Variants in SOX6 observed in about 807,000 individuals in gnomAD.
The protein encoded by SOX6 is transcription factor SOX-6.
In SOX6, 11 loss-of-function variants were observed where a neutral mutation model predicts 97.8. The observed-to-expected ratio is 0.11, with a 90% CI of 0.07 to 0.19. The LOEUF is 0.19. SOX6 is among the 10% of genes least tolerant of loss of function. SOX6 has a pLI of 1.00. For missense variants in SOX6, 810 were observed against 1,039.5 expected, an observed-to-expected ratio of 0.78 and a Z score of 3.04; for synonymous variants, 360 against 371.4, an observed-to-expected ratio of 0.97 and a Z score of 0.35.
chr11:16,602,515 A>G (rs1165096005), intron 4 of SOX6, among the ~76,000 whole-genome samples: 1 of 152,208 alleles, frequency 6.6e-6, no homozygotes, highest in East Asian at 1.9e-4. Context: ...AAGGAAAAAA[A>G]CTACATGTCA....
intron 15 of SOX6, among the ~76,000 whole-genome samples, chr11:15,973,522 A>G (rs1418479970): frequency 6.6e-6 from 1 of 152,238 alleles, no homozygotes; most frequent in Non-Finnish European, 1.5e-5. Flanking sequence ...TAATGACACT[A>G]TTAAGCAGGT....
intron 7 of SOX6, among the ~76,000 whole-genome samples, chr11:16,097,951 T>A (rs1240861349): frequency 1.3e-5 from 2 of 151,854 alleles, no homozygotes; most frequent in Non-Finnish European, 2.9e-5. Context: ...GTTCACTCCA[T>A]TGCGAATCTT....
intron 3 of SOX6, among the ~76,000 whole-genome samples, chr11:16,702,645 T>C (rs759361834): frequency 5.9e-5 from 9 of 152,080 alleles, no homozygotes; most frequent in Non-Finnish European, 1.3e-4. Flanking sequence ...TGAAATTCAG[T>C]CACTTTTTCC....
chr11:16,334,837 A>G (rs529699885), intron 2 of SOX6, among the ~76,000 whole-genome samples: 1 of 152,324 alleles, frequency 6.6e-6, no homozygotes, highest in South Asian at 2.1e-4. Flanking sequence ...ATCATGAAAA[A>G]ATAATTTATA....
chr11:16,249,244 C>T (rs1853437323), intron 3 of SOX6, among the ~76,000 whole-genome samples: 1 of 152,134 alleles, frequency 6.6e-6, no homozygotes, highest in African/African-American at 2.4e-5. Flanking sequence ...TATGCTCTGC[C>T]TCTTCTTGAA....
intron 3 of SOX6, among the ~76,000 whole-genome samples, chr11:16,257,607 G>C (rs1332862689): frequency 6.6e-6 from 1 of 151,784 alleles, no homozygotes; most frequent in Admixed American, 6.6e-5. Context: ...AAAATTTCTA[G>C]AGATAACATA....
intron 3 of SOX6, among the ~76,000 whole-genome samples, chr11:16,247,556 T>C (rs896576146): frequency 6.6e-6 from 1 of 152,050 alleles, no homozygotes; most frequent in African/African-American, 2.4e-5. Context: ...AGCAAACATG[T>C]CCATCTTCAC....
intron 6 of SOX6, among the ~76,000 whole-genome samples, chr11:16,161,524 C>T (rs1240365132): frequency 3.9e-5 from 6 of 151,978 alleles, no homozygotes; most frequent in Admixed American, 1.3e-4. Flanking sequence ...CAACAAAAAT[C>T]ACATCCAATG....
At chr11:16,182,844 A>G (rs998850339) in intron 6 of SOX6, among the ~76,000 whole-genome samples, 1 of 151,952 alleles carries the variant, frequency 6.6e-6, no homozygotes, top group African/African-American at 2.4e-5. Context: ...TCGAAGGTAA[A>G]ATCCTTGTTA....
rs149710263 is a variant in SOX6, at chr11:16,373,821, GAGGAAGGAAGGA to G, written c.-4-32581_-4-32570del. Among the ~76,000 whole-genome samples, 661 of 105,466 alleles carry G rather than the reference GAGGAAGGAAGGA, an allele frequency of 6.3e-3. 5 individuals are homozygous for G. The highest frequency in any genetic ancestry group is 0.013 in the African/African-American group (340 of 25,970). 69.2% of individuals were successfully genotyped at this position (105,466 alleles called of 152,430 possible). ...AGAAAGGGGGAGGGAGGGAGGGAGA[GAGGAAGGAAGGA>G]AGGAAGGAAGGAAGGAAGGAAGGAA... On this transcript the variant is annotated intron_variant, in intron 1 of 15. Transcript: ENST00000396356.
intron 13 of SOX6, among the ~76,000 whole-genome samples, chr11:15,997,724 T>C (rs1854269016): frequency 6.6e-6 from 1 of 152,214 alleles, no homozygotes; most frequent in Non-Finnish European, 1.5e-5. Flanking sequence ...GGTAACATCA[T>C]ACTTAATAGT....
intron 3 of SOX6, among the ~76,000 whole-genome samples, chr11:16,615,351 T>C (rs941251649): frequency 6.6e-6 from 1 of 152,180 alleles, no homozygotes; most frequent in Non-Finnish European, 1.5e-5. Flanking sequence ...TTGCCATACA[T>C]AATCCTGGCA....
At chr11:16,021,142 T>G (rs531556127) in intron 12 of SOX6, among the ~76,000 whole-genome samples, 1 of 152,184 alleles carries the variant, frequency 6.6e-6, no homozygotes, top group South Asian at 2.1e-4. Context: ...ATACAATCCA[T>G]CTTTGTGAAG....
rs774989244 is a variant in SOX6 at position 16,187,104 on chromosome 11, G to A, written c.536-149C>T. 152 of 805,050 alleles carry A rather than the reference G, an allele frequency of 1.9e-4. 1 individual carries two copies. The highest frequency in any genetic ancestry group is 4.5e-4 in the Admixed American group (22 of 48,784). 49.9% of individuals were successfully genotyped at this position (805,050 alleles called of 1,614,324 possible). ...GGCCATTGAGGGTACAGGAACACCA[G>A]AGAGTAATTACAGCAGTGGAATGAA... On this transcript the variant is annotated intron_variant, in intron 4 of 15. Transcript: ENST00000683767.
intron 4 of SOX6, among the ~76,000 whole-genome samples, chr11:16,212,196 G>A (rs916447246): frequency 6.6e-6 from 1 of 152,230 alleles, no homozygotes; most frequent in Middle Eastern, 3.4e-3. Context: ...TGGATAGTCT[G>A]AGAAAAGCTG....
intron 6 of SOX6, among the ~76,000 whole-genome samples, chr11:16,115,001 T>C (rs1233160938): frequency 6.6e-6 from 1 of 152,166 alleles, no homozygotes; most frequent in Non-Finnish European, 1.5e-5. Flanking sequence ...CTGTAGGTGT[T>C]TCATATTAAG....
chr11:16,120,080 G>GT lies in SOX6; in HGVS notation c.778-8158dup, dbSNP rs398055026. 3.4e-3 allele frequency among the ~76,000 whole-genome samples: 512 copies of GT among 150,948 alleles called. 1 individual carries two copies. The highest frequency in any genetic ancestry group is 0.011 in the South Asian group (52 of 4,734). On this transcript the variant is annotated intron_variant, in intron 6 of 15. Coordinates refer to ENST00000683767, the MANE Select transcript of SOX6 (RefSeq NM_001367873.1). ...CTTGCTTCTGTTTGTTTGTTTGTTT[G>GT]TTATTTGTTATTGGCAGGTTATTCT...
chr11:16,547,464 A>T (rs1847634483), intron 4 of SOX6, among the ~76,000 whole-genome samples: 1 of 152,156 alleles, frequency 6.6e-6, no homozygotes, highest in South Asian at 2.1e-4. Flanking sequence ...TTCAGCCATA[A>T]AAAAGAATGA....
intron 3 of SOX6, among the ~76,000 whole-genome samples, chr11:16,279,541 T>C (rs957530992): frequency 2.0e-5 from 3 of 152,088 alleles, no homozygotes; most frequent in Non-Finnish European, 2.9e-5. Context: ...ATCTTCACAA[T>C]TACAATGTTG....
Sources: allele counts gnomAD v4.1 joint callset (sites outside exome capture counted in the v4.1 genomes callset), GRCh38; gene constraint gnomAD v4.1.1; transcripts MANE v1.5; gene names NCBI Gene and HGNC (gene_info 2026-07-23, HGNC 2026-07-21).